Variants in CSMD1 observed in about 807,000 individuals in gnomAD.
The protein encoded by CSMD1 is CUB and sushi domain-containing protein 1.
In CSMD1, 213 loss-of-function variants were observed where a neutral mutation model predicts 417.5. The ratio of observed to expected loss-of-function variants is 0.51; its 90% CI spans 0.46 to 0.57. CSMD1 has a LOEUF of 0.57. Ranked by LOEUF, CSMD1 falls within the 20% of genes least tolerant of loss-of-function variation. The pLI is 0.00. For missense variants in CSMD1, 6,923 were observed against 4,529.7 expected, an observed-to-expected ratio of 1.53 and a Z score of -15.17; for synonymous variants, 2,862 against 1,736.8, an observed-to-expected ratio of 1.65 and a Z score of -16.11.
At chr8:3,823,670 G>C (rs553396156) in intron 5 of CSMD1, among the ~76,000 whole-genome samples, 1 of 151,754 alleles carries the variant, frequency 6.6e-6, no homozygotes, top group Admixed American at 6.6e-5. Context: ...TCATTTACAC[G>C]TTTTATGCAA....
rs1443358618 is a variant in CSMD1 at position 3,270,115 on chromosome 8, T to C, written c.4153+14029A>G. Among the ~76,000 whole-genome samples the C allele has an allele frequency of 3.0e-5, 4 of 132,060 alleles. No homozygotes were observed. In the South Asian group the frequency reaches 7.8e-4, roughly 26 times the overall value. 86.6% of individuals were successfully genotyped at this position (132,060 alleles called of 152,430 possible). ...CCCAGGGCGAAGTACAGTGGCACTG[T>C]CTTGGCCCACTGCAACCTCTGCCTC... On this transcript the variant is annotated intron_variant, in intron 26 of 69. Transcript: ENST00000635120.
At chr8:4,136,305 C>G (rs530084043) in intron 3 of CSMD1, among the ~76,000 whole-genome samples, 4 of 152,234 alleles carry the variant, frequency 2.6e-5, no homozygotes, top group South Asian at 2.1e-4. Flanking sequence ...TTTTTAGCTT[C>G]CAGATTTTAT....
rs183829725 is a variant in CSMD1 at position 4,044,947 on chromosome 8, G to C, written c.416-12848C>G. On this transcript the variant is annotated intron_variant, in intron 3 of 69. Transcript: ENST00000635120. Reference sequence around the variant, plus strand: ...AAAAAAATGTCCCCATGGCATCTGAGAGTAATTATATTCAACATCTTGTTC... The same window carrying C: ...AAAAAAATGTCCCCATGGCATCTGACAGTAATTATATTCAACATCTTGTTC... 1.1e-3 allele frequency among the ~76,000 whole-genome samples: 173 copies of C among 152,322 alleles called. 1 individual carries two copies. The highest frequency in any genetic ancestry group is 4.1e-3 in the African/African-American group (171 of 41,572).
At chr8:2,965,651 A>G in intron 59 of CSMD1, 124 bp downstream of exon 59, 1 of 729,368 alleles carries the variant, frequency 1.4e-6, no homozygotes, top group Non-Finnish European at 2.2e-6. Flanking sequence ...AATAGTTGCA[A>G]ATTGCTGTTC....
At chr8:4,732,653 T>C (rs556171332) in intron 1 of CSMD1, among the ~76,000 whole-genome samples, 1 of 152,258 alleles carries the variant, frequency 6.6e-6, no homozygotes, top group South Asian at 2.1e-4. Context: ...TGAGCTCATC[T>C]GGGCAGCCAC....
intron 12 of CSMD1, among the ~76,000 whole-genome samples, chr8:3,440,930 G>T (rs1367176138): frequency 1.3e-5 from 2 of 152,184 alleles, no homozygotes; most frequent in Admixed American, 6.5e-5. Context: ...GTCCCCAGAC[G>T]TGGTGACTGT....
At chr8:4,216,179 T>C (rs980928381) in intron 3 of CSMD1, among the ~76,000 whole-genome samples, 1 of 152,176 alleles carries the variant, frequency 6.6e-6, no homozygotes, top group African/African-American at 2.4e-5. Flanking sequence ...CTATGACACT[T>C]GTGGCTTTGT....
chr8:4,021,873 C>G (rs557481827), intron 4 of CSMD1, among the ~76,000 whole-genome samples: 18 of 152,100 alleles, frequency 1.2e-4, no homozygotes, highest in Admixed American at 1.0e-3. Context: ...TGCCATCCCC[C>G]TCTCTAGCTT....
intron 6 of CSMD1, among the ~76,000 whole-genome samples, chr8:3,726,451 G>A (rs1032114257): frequency 6.6e-6 from 1 of 152,318 alleles, no homozygotes; most frequent in South Asian, 2.1e-4. Context: ...GGGGTCAGCA[G>A]GTATTGAATG....
intron 1 of CSMD1, among the ~76,000 whole-genome samples, chr8:4,665,057 G>A (rs1011758354): frequency 2.0e-5 from 3 of 152,062 alleles, no homozygotes; most frequent in African/African-American, 7.2e-5. Flanking sequence ...TTAATTTGCA[G>A]AAAAGGTATT....
At chr8:4,208,255 C>T (rs73658483) in intron 3 of CSMD1, among the ~76,000 whole-genome samples, 17,909 of 152,046 alleles carry the variant, frequency 0.12, 1,983 homozygotes, top group African/African-American at 0.29. Context: ...TAATTGCCTT[C>T]TCGGTCAAAT....
chr8:3,714,673 T>C (rs953461001), intron 6 of CSMD1, among the ~76,000 whole-genome samples: 3 of 151,290 alleles, frequency 2.0e-5, no homozygotes, highest in African/African-American at 7.3e-5. Flanking sequence ...GGAGGCAGAG[T>C]TTGCAGTGAG....
At chr8:4,475,408 G>C (rs1278854890) in intron 2 of CSMD1, among the ~76,000 whole-genome samples, 4 of 151,952 alleles carry the variant, frequency 2.6e-5, no homozygotes, top group Non-Finnish European at 4.4e-5. Flanking sequence ...AAAACTTGTT[G>C]AGTGTTTCTC....
chr8:3,812,999 C>A (rs1801168220), intron 5 of CSMD1, among the ~76,000 whole-genome samples: 1 of 151,724 alleles, frequency 6.6e-6, no homozygotes, highest in South Asian at 2.1e-4. Context: ...CTGGAATTAA[C>A]TCTTAGATTA....
chr8:4,612,521 T>C (rs968355602), intron 2 of CSMD1, among the ~76,000 whole-genome samples: 2 of 152,192 alleles, frequency 1.3e-5, no homozygotes, highest in South Asian at 4.1e-4. Flanking sequence ...CCTCCAATAT[T>C]TGGTGCATTT....
chr8:4,859,420 T>A (rs1007164119), intron 1 of CSMD1, among the ~76,000 whole-genome samples: 4 of 152,168 alleles, frequency 2.6e-5, no homozygotes, highest in East Asian at 3.9e-4. Flanking sequence ...ACAAATGGGA[T>A]CTAATTAAGA....
rs116653194 is a variant in CSMD1, at chr8:4,663,852, C to T, written c.86-26294G>A. On this transcript the variant is annotated intron_variant, in intron 1 of 69. Coordinates refer to ENST00000635120, the MANE Select transcript of CSMD1 (RefSeq NM_033225.6). ...CCAGGATCGTCAGACACTTCAGATTCTCACAAATACCTGGGCTGGATCAGG... is the reference window on the plus strand; with the variant it reads ...CCAGGATCGTCAGACACTTCAGATTTTCACAAATACCTGGGCTGGATCAGG... Among the ~76,000 whole-genome samples, 437 of 152,318 alleles carry T rather than the reference C, an allele frequency of 2.9e-3. 2 individuals carry two copies. Among genetic ancestry groups the T allele is most frequent in the African/African-American group, 1.0e-2 (414 of 41,574 alleles).
At chr8:4,546,326 A>G (rs113495115) in intron 2 of CSMD1, among the ~76,000 whole-genome samples, 37 of 152,142 alleles carry the variant, frequency 2.4e-4, no homozygotes, top group African/African-American at 7.9e-4. Flanking sequence ...TTCTGTGTCA[A>G]CTTCACTGGG....
At chr8:4,593,883 G>A (rs889071151) in intron 2 of CSMD1, among the ~76,000 whole-genome samples, 3 of 152,142 alleles carry the variant, frequency 2.0e-5, no homozygotes, top group South Asian at 2.1e-4. Flanking sequence ...CCAGCTTAAA[G>A]CAACAGGAAT....
Sources: allele counts gnomAD v4.1 joint callset (sites outside exome capture counted in the v4.1 genomes callset), GRCh38; gene constraint gnomAD v4.1.1; transcripts MANE v1.5; gene names NCBI Gene and HGNC (gene_info 2026-07-23, HGNC 2026-07-21).